The following CCDC110 variants were observed in gnomAD, a reference collection of about 807,000 sequenced individuals.
CCDC110 encodes coiled-coil domain containing 110, also known as coiled-coil domain-containing protein 110.
Under a neutral mutation model 77.1 loss-of-function variants are expected in CCDC110, and 70 were observed. The ratio of observed to expected loss-of-function variants is 0.91; its 90% CI spans 0.75 to 1.11. The LOEUF is 1.11. CCDC110 is among the 50% of genes least tolerant of loss of function. CCDC110 has a pLI of 0.00. For missense variants in CCDC110, 868 were observed against 942.9 expected (o/e 0.92, Z 1.04); for synonymous variants, 295 against 312.5 (o/e 0.94, Z 0.59).
chr4:185,445,621 G>A, intron 6 of CCDC110, 79 bp from the exon 7 acceptor site: 4 of 937,504 alleles, frequency 4.3e-6, no homozygotes, highest in South Asian at 1.7e-5. Flanking sequence ...ATATTATCAA[G>A]GTATCTTAAA....
chr4:185,445,565 GGTTA>G (rs764954574), intron 6 of CCDC110, 23 bp from the exon 7 acceptor site: 160 of 1,438,164 alleles, frequency 1.1e-4, no homozygotes, highest in Non-Finnish European at 1.5e-4. Context: ...AAAATATTCT[GGTTA>G]ATTAAAAATG....
Position 185,453,813 on chromosome 4 carries a change from A to AT in CCDC110, c.2461+4312dup, listed in dbSNP as rs58603614. ...CTCCCACCTCAGCCTTCTCGTTGCT[A>AT]TTTTTTTTTTTTTTTTTGAGACGGA... On this transcript the variant is annotated intron_variant, in intron 6 of 6. Transcript: ENST00000307588. Among the ~76,000 whole-genome samples, 198 of 126,218 alleles carry AT rather than the reference A, an allele frequency of 1.6e-3. 1 individual carries two copies. The highest frequency in any genetic ancestry group is 2.4e-3 in the Admixed American group (30 of 12,538). The allele number at this position is 126,218 out of a possible 152,430, so 82.8% of individuals were successfully genotyped here.
intron 2 of CCDC110, among the ~76,000 whole-genome samples, chr4:185,466,106 T>C (rs543918848): frequency 6.6e-6 from 1 of 152,198 alleles, no homozygotes; most frequent in Non-Finnish European, 1.5e-5. Flanking sequence ...CCGGGTGCAG[T>C]GGCTCGCACC....
chr4:185,469,851 G>A (rs1257002629), intron 2 of CCDC110, among the ~76,000 whole-genome samples: 1 of 152,202 alleles, frequency 6.6e-6, no homozygotes, highest in Non-Finnish European at 1.5e-5. Flanking sequence ...CAGAAATCCT[G>A]TCCCAACCTC....
Position 185,458,184 on chromosome 4 carries a change from G to C in CCDC110, c.2403C>G (p.Asn801Lys). The change falls in exon 6 of 7, where the codon AAC (asparagine) becomes AAG (lysine). Residue 801 changes from asparagine to lysine, a missense_variant. By Grantham distance (94) the Asn-to-Lys change is moderately conservative (BLOSUM62 0). Transcript: ENST00000307588. ...GACTAGAAGTATCTTCGTGAGTATA[G>C]TTGTCAAAATGGAATTTCTCTCTTC... is the stretch of plus-strand genomic sequence containing the variant. The part of the protein sequence containing the change: ...ISRREKFHFD[N>K]YTHEDTSSPQ... The C allele has an allele frequency of 6.2e-7, 1 of 1,604,188 alleles. No homozygotes were observed. Among genetic ancestry groups the C allele is most frequent in the Non-Finnish European group, 8.5e-7 (1 of 1,177,400 alleles).
At position 185,468,740 on chromosome 4, in the gene CCDC110, C is replaced by G. The variant is rs184065008; in HGVS notation, c.115+2205G>C. ...CTACCACCCTGTTTAAAATGACACA[C>G]TTCCCACCCACCTCTGCCACTCCAA... On this transcript the variant is annotated intron_variant, in intron 2 of 6. Coordinates refer to ENST00000307588, the MANE Select transcript of CCDC110 (RefSeq NM_152775.4). The surrounding 1 kb of genome is among the most constrained non-coding windows in gnomAD (Gnocchi z 4.5). Among the ~76,000 whole-genome samples, 1 of 152,192 alleles carries G rather than the reference C, an allele frequency of 6.6e-6. No individual in the cohort carries two copies. Among genetic ancestry groups the G allele is most frequent in the Admixed American group, 6.5e-5 (1 of 15,276 alleles).
intron 2 of CCDC110, 41 bp downstream of exon 2, chr4:185,470,904 G>C: frequency 7.2e-7 from 1 of 1,397,672 alleles, no homozygotes; most frequent in Non-Finnish European, 1.0e-6. Flanking sequence ...GCTGCCGCCT[G>C]TGTATAGTTA....
Position 185,458,645 on chromosome 4 carries a change from ATGT to A in CCDC110, c.1939_1941del (p.Thr647del), listed in dbSNP as rs769750519. ...TGTCTGGCAGCAGTAGATTCTTGTA[ATGT>A]TGTTTCAAGGTTGAGTTTTTCATCT... On this transcript the variant is annotated inframe_deletion, in exon 6 of 7. Transcript: ENST00000307588. 1.9e-6 allele frequency: 3 copies of A among 1,607,548 alleles called. No homozygotes were observed. Among genetic ancestry groups the A allele is most frequent in the Admixed American group, 1.7e-5 (1 of 59,616 alleles).
Position 185,470,980 on chromosome 4 carries a change from G to A in CCDC110, c.80C>T (p.Ser27Leu). The change falls in exon 2 of 7, where the codon TCG becomes TTG. Residue 27 changes from serine to leucine, a missense_variant. Transcript: ENST00000307588. ...LLSASKILNS[S>L]EGVKESGCSD... is the part of the protein sequence containing the mutation. ...GCAGCCACTTTCCTTCACCCCCTCC[G>A]AAGAATTTAGGATCTTGGACGCTGA... 6.2e-7 allele frequency: 1 copy of A among 1,610,274 alleles called. No homozygotes were observed. The highest frequency in any genetic ancestry group is 8.5e-7 in the Non-Finnish European group (1 of 1,179,264).
chr4:185,465,424 A>C (rs1160885040), intron 2 of CCDC110, among the ~76,000 whole-genome samples: 2 of 152,234 alleles, frequency 1.3e-5, no homozygotes, highest in African/African-American at 4.8e-5. Context: ...TGTTGTCTAC[A>C]TATATTTTCC....
In CCDC110 at chr4:185,459,819, A is replaced by T. The variant is rs1272120587; in HGVS notation, c.768T>A (p.His256Gln). ...CATTTGTAAGTGCCACTTCCCCATC[A>T]TGTGACTTTTGAAGCTCTTCTTTCA... is the stretch of plus-strand genomic sequence containing the variant. ...KQMKEELQKS[H>Q]DGEVALTNEL... The change falls in exon 6 of 7, where the codon CAT (histidine) becomes CAA (glutamine). Residue 256 changes from histidine (H) to glutamine (Q), a missense_variant. Coordinates refer to ENST00000307588, the MANE Select transcript of CCDC110 (RefSeq NM_152775.4). The T allele has an allele frequency of 9.9e-6, 16 of 1,613,374 alleles. No homozygotes were observed. Among genetic ancestry groups the T allele is most frequent in the Non-Finnish European group, 1.4e-5 (16 of 1,179,866 alleles).
Position 185,459,361 on chromosome 4 carries a change from G to T in CCDC110, c.1226C>A (p.Ser409Tyr). The T allele has an allele frequency of 6.2e-7, 1 of 1,610,390 alleles. No individual in the cohort carries two copies. Among genetic ancestry groups the T allele is most frequent in the South Asian group, 1.1e-5 (1 of 90,002 alleles). ...PFLVKQGSII[S>Y]ENEKTSKVNS... ...AACTTTGGAAGTTTTCTCATTTTCAGATATTATTGATCCTTGTTTTACTAG... is the reference window on the plus strand; with the variant it reads ...AACTTTGGAAGTTTTCTCATTTTCATATATTATTGATCCTTGTTTTACTAG... The change falls in exon 6 of 7, where the codon TCT becomes TAT. Residue 409 changes from serine to tyrosine, a missense_variant. Ser to Tyr is a moderately radical substitution (Grantham distance 144). Transcript: ENST00000307588.
chr4:185,457,337 A>C (rs1221785169), intron 6 of CCDC110: 2 of 455,986 alleles, frequency 4.4e-6, no homozygotes. Flanking sequence ...CACCTACAGG[A>C]AAGGGCAGGC....
Position 185,463,198 on chromosome 4 carries a change from C to T in CCDC110, c.116-149G>A, listed in dbSNP as rs750942104. The T allele has an allele frequency of 7.2e-4, 445 of 618,158 alleles. 2 individuals are homozygous for T. The highest frequency in any genetic ancestry group is 3.8e-4 in the Non-Finnish European group (133 of 351,958). The allele number at this position is 618,158 out of a possible 1,614,324, so 38.3% of individuals were successfully genotyped here. A position where few individuals can be genotyped will look rare whatever the true frequency, so the allele number is the denominator to read the frequency against. On this transcript the variant is annotated intron_variant, in intron 2 of 6. Transcript: ENST00000307588. ...ATTCACACTATGCTAGTCACATAAGCTTAAGTGATAATTCTCGCTTGACTT... is the reference window on the plus strand; with the variant it reads ...ATTCACACTATGCTAGTCACATAAGTTTAAGTGATAATTCTCGCTTGACTT...
At chr4:185,462,339 A>G (rs2095647952) in intron 4 of CCDC110, among the ~76,000 whole-genome samples, 1 of 152,176 alleles carries the variant, frequency 6.6e-6, no homozygotes, top group Admixed American at 6.5e-5. Flanking sequence ...TTTTTCCCTA[A>G]GCCAGTTTGA....
At chr4:185,470,688 A>G in intron 2 of CCDC110, 2 of 579,092 alleles carry the variant, frequency 3.5e-6, no homozygotes, top group South Asian at 3.0e-5. Context: ...GACCTTAGGG[A>G]GTTAACCTCT....
At chr4:185,460,798 T>A (rs1184333426) in intron 5 of CCDC110, 1 of 385,356 alleles carries the variant, frequency 2.6e-6, no homozygotes, top group Non-Finnish European at 5.0e-6. Flanking sequence ...CATTTGAATT[T>A]ACTCGGGAAT....
At chr4:185,470,250 A>T (rs2095663419) in intron 2 of CCDC110, among the ~76,000 whole-genome samples, 1 of 152,242 alleles carries the variant, frequency 6.6e-6, no homozygotes, top group African/African-American at 2.4e-5. Flanking sequence ...TTGGTTCCAG[A>T]GCCTCTGCGG....
At chr4:185,465,686 T>C (rs1016205096) in intron 2 of CCDC110, among the ~76,000 whole-genome samples, 1 of 152,224 alleles carries the variant, frequency 6.6e-6, no homozygotes, top group African/African-American at 2.4e-5. Flanking sequence ...TACATGATAA[T>C]AGAGTATGGG....
Sources: gnomAD v4.1 joint callset for allele counts (sites outside exome capture counted in the v4.1 genomes callset) on GRCh38, gnomAD v4.1.1 for gene constraint, Gnocchi (gnomAD v3.1) non-coding constraint, MANE v1.5 for transcripts, NCBI Gene and HGNC (gene_info 2026-07-23, HGNC 2026-07-21) for gene names.